Variants in SDK1 observed in about 807,000 individuals in gnomAD.
The protein encoded by SDK1 is sidekick cell adhesion molecule 1.
Under a neutral mutation model 245.5 loss-of-function variants are expected in SDK1, and 157 were observed. The ratio of observed to expected loss-of-function variants is 0.64; its 90% confidence interval spans 0.56 to 0.73. SDK1 has a LOEUF of 0.73. Ranked by LOEUF, SDK1 falls within the 30% of genes least tolerant of loss-of-function variation. The pLI, the probability that SDK1 is intolerant of heterozygous loss-of-function variation, is 0.00. For synonymous variants in SDK1, 1,647 were observed against 1,278.5 expected, an observed-to-expected ratio of 1.29 and a Z score of -6.15; for missense variants, 3,583 against 3,002.3, an observed-to-expected ratio of 1.19 and a Z score of -4.52.
At chr7:3,972,659 G>A (rs1782578950) in intron 12 of SDK1, among the ~76,000 whole-genome samples, 1 of 152,210 alleles carries the variant, frequency 6.6e-6, no homozygotes, top group South Asian at 2.1e-4. Flanking sequence ...TACTCAAGAT[G>A]CCCTGCTGCT....
chr7:3,605,962 G>C (rs1232922041), intron 1 of SDK1, among the ~76,000 whole-genome samples: 1 of 151,960 alleles, frequency 6.6e-6, no homozygotes, highest in East Asian at 1.9e-4. Flanking sequence ...TCTAATTCCA[G>C]ATGTTACTTT....
intron 1 of SDK1, among the ~76,000 whole-genome samples, chr7:3,555,486 G>A (rs2614948): frequency 9.9e-5 from 15 of 152,098 alleles, no homozygotes; most frequent in African/African-American, 3.4e-4. Context: ...GAAAACATTG[G>A]GGAAACTCTC....
chr7:3,380,031 T>C (rs917799980), intron 1 of SDK1, among the ~76,000 whole-genome samples: 3 of 152,212 alleles, frequency 2.0e-5, no homozygotes, highest in Admixed American at 6.5e-5. Flanking sequence ...AATATACCAA[T>C]ACCAAAAACG....
intron 5 of SDK1, among the ~76,000 whole-genome samples, chr7:3,827,333 G>T (rs887616573): frequency 6.6e-6 from 1 of 152,126 alleles, no homozygotes. Flanking sequence ...ATCTGAGGAT[G>T]CCTGAGGTCA....
At chr7:3,861,089 C>G (rs985757525) in intron 5 of SDK1, among the ~76,000 whole-genome samples, 4 of 152,244 alleles carry the variant, frequency 2.6e-5, no homozygotes, top group African/African-American at 9.6e-5. Context: ...GCTCTGTAAC[C>G]CTTCAGTCTA....
At chr7:3,903,952 C>T (rs1005149114) in intron 5 of SDK1, among the ~76,000 whole-genome samples, 2 of 152,152 alleles carry the variant, frequency 1.3e-5, no homozygotes, top group Non-Finnish European at 2.9e-5. Context: ...AATCTTCGCA[C>T]ACGAGACACC....
intron 1 of SDK1, among the ~76,000 whole-genome samples, chr7:3,614,710 T>A (rs2128643348): frequency 6.6e-6 from 1 of 152,344 alleles, no homozygotes; most frequent in South Asian, 2.1e-4. Flanking sequence ...CTCAGAGAAG[T>A]GCTATTCCCC....
intron 1 of SDK1, among the ~76,000 whole-genome samples, chr7:3,432,605 C>G (rs1001519155): frequency 1.3e-5 from 2 of 152,074 alleles, no homozygotes; most frequent in African/African-American, 2.4e-5. Flanking sequence ...CTAGGTTTCG[C>G]ATAGAAAAAC....
At chr7:3,413,044 A>G (rs1052979231) in intron 1 of SDK1, among the ~76,000 whole-genome samples, 5 of 152,224 alleles carry the variant, frequency 3.3e-5, no homozygotes, top group Non-Finnish European at 5.9e-5. Context: ...ACACATGACA[A>G]TATAATTGTA....
At chr7:3,416,042 C>T (rs1779357476) in intron 1 of SDK1, among the ~76,000 whole-genome samples, 1 of 152,068 alleles carries the variant, frequency 6.6e-6, no homozygotes, top group Non-Finnish European at 1.5e-5. Flanking sequence ...ATGGTGTGTG[C>T]AAATAAGCAG....
intron 4 of SDK1, among the ~76,000 whole-genome samples, chr7:3,794,657 A>G (rs1778918566): frequency 6.6e-6 from 1 of 152,162 alleles, no homozygotes; most frequent in Admixed American, 6.5e-5. Flanking sequence ...CAGAGTCCTC[A>G]CAGCAAGAAG....
intron 32 of SDK1, among the ~76,000 whole-genome samples, chr7:4,164,366 G>C (rs1285842720): frequency 6.6e-6 from 1 of 152,102 alleles, no homozygotes; most frequent in African/African-American, 2.4e-5. Flanking sequence ...GTGAGCTCAG[G>C]TCTCACACAA....
chr7:4,194,244 A>G (rs924614203), intron 35 of SDK1, among the ~76,000 whole-genome samples: 3 of 150,864 alleles, frequency 2.0e-5, no homozygotes, highest in African/African-American at 7.4e-5. Context: ...ATACATGTAT[A>G]GATATATGTA....
At chr7:3,365,129 C>T (rs1346619755) in intron 1 of SDK1, among the ~76,000 whole-genome samples, 5 of 152,144 alleles carry the variant, frequency 3.3e-5, no homozygotes, top group African/African-American at 1.2e-4. Context: ...GAGGCCGCAA[C>T]TTCTGCAGTG....
intron 5 of SDK1, among the ~76,000 whole-genome samples, chr7:3,880,162 ACTC>A: frequency 6.6e-6 from 1 of 152,036 alleles, no homozygotes; most frequent in East Asian, 1.9e-4. Context: ...TGCTCGCCGC[ACTC>A]CTCAGGGAGA....
intron 20 of SDK1, among the ~76,000 whole-genome samples, chr7:4,076,308 C>A (rs910811353): frequency 6.6e-6 from 1 of 152,170 alleles, no homozygotes; most frequent in Non-Finnish European, 1.5e-5. Flanking sequence ...AATCCCAACA[C>A]TAAGGGAGGC....
At chr7:3,683,107 C>G (rs1019083652) in intron 4 of SDK1, among the ~76,000 whole-genome samples, 1 of 152,140 alleles carries the variant, frequency 6.6e-6, no homozygotes, top group Non-Finnish European at 1.5e-5. Flanking sequence ...AAGGCATTTA[C>G]GCTGAGTGGA....
chr7:4,094,668 G>A lies in SDK1; in HGVS notation c.3324+15084G>A, dbSNP rs555344560. 3.5e-4 allele frequency among the ~76,000 whole-genome samples: 53 copies of A among 152,290 alleles called. 1 individual carries two copies. Among genetic ancestry groups the A allele is most frequent in the African/African-American group, 1.1e-3 (47 of 41,572 alleles). ...AGGTTTCCTTTATTGTTATCAAACC[G>A]GACTTGTGGACCTCCCTGGCACAGC... On this transcript the variant is annotated intron_variant, in intron 22 of 44. Transcript: ENST00000404826.
chr7:3,410,576 A>ATTTTTTTTTTTT (rs1779173211), intron 1 of SDK1, among the ~76,000 whole-genome samples: 1 of 123,122 alleles, frequency 8.1e-6, no homozygotes, highest in African/African-American at 3.6e-5. Flanking sequence ...GTGAAATGAT[A>ATTTTTTTTTTTT]TCTTTTTTTT....
Sources: allele counts gnomAD v4.1 joint callset (sites outside exome capture counted in the v4.1 genomes callset), GRCh38; gene constraint gnomAD v4.1.1; transcripts MANE v1.5; gene names NCBI Gene and HGNC (gene_info 2026-07-23, HGNC 2026-07-21).